The following SUSD5 variants were observed in gnomAD, a reference collection of about 807,000 sequenced individuals.
SUSD5 encodes sushi domain-containing protein 5.
A neutral mutation model predicts 29.5 loss-of-function variants in SUSD5; 33 were observed. That is an observed-to-expected ratio of 1.12 (90% CI 0.85 to 1.49). The LOEUF (loss-of-function observed/expected upper bound fraction) is 1.49. SUSD5 is among the 40% of genes most tolerant of loss of function. The probability of loss-of-function intolerance (pLI) is 0.00; values close to 1 mark genes in which losing one functional copy is unlikely to be tolerated. For synonymous variants in SUSD5, 308 were observed against 325.3 expected (o/e 0.95, Z 0.57); for missense variants, 776 against 800.6 (o/e 0.97, Z 0.37).
chr3:33,184,828 T>C (rs2031745553), intron 3 of SUSD5, among the ~76,000 whole-genome samples: 2 of 152,242 alleles, frequency 1.3e-5, no homozygotes, highest in South Asian at 2.1e-4. Flanking sequence ...CTCCCATTAA[T>C]GCCCTGAGCA....
intron 1 of SUSD5, among the ~76,000 whole-genome samples, chr3:33,214,893 AG>A (rs1457021233): frequency 1.3e-5 from 2 of 152,150 alleles, no homozygotes; most frequent in Non-Finnish European, 2.9e-5. Context: ...AGCTAAAGGC[AG>A]GGGAGAAAAC....
intron 3 of SUSD5, among the ~76,000 whole-genome samples, chr3:33,193,455 T>C (rs995848323): frequency 6.6e-6 from 1 of 152,068 alleles, no homozygotes; most frequent in African/African-American, 2.4e-5. Context: ...AGGGGTGAGA[T>C]GAGGATCAGG....
At chr3:33,163,489 A>T (rs2031236590) in intron 4 of SUSD5, among the ~76,000 whole-genome samples, 1 of 152,196 alleles carries the variant, frequency 6.6e-6, no homozygotes, top group Admixed American at 6.5e-5. Context: ...TCAACAAGAT[A>T]AAAACCCTTA....
Position 33,153,970 on chromosome 3 carries a change from C to A in SUSD5, c.662G>T (p.Arg221Ile). The A allele has an allele frequency of 6.2e-7, 1 of 1,613,578 alleles. No homozygotes were observed. The highest frequency in any genetic ancestry group is 1.1e-5 in the South Asian group (1 of 90,990). The change falls in exon 5 of 5, where the codon AGA becomes ATA. Residue 221 changes from arginine (R) to isoleucine (I), a missense_variant. Coordinates refer to ENST00000309558, the MANE Select transcript of SUSD5 (RefSeq NM_015551.2). ...TGTCCGGGAATCCTCCATGAGCTCT[C>A]TGAATGACACAGATCTGTCATCAGG... ...NFPDDRSVSF[R>I]ELMEDSRTEA...
chr3:33,213,145 C>T (rs922980303), intron 2 of SUSD5, among the ~76,000 whole-genome samples: 6 of 152,174 alleles, frequency 3.9e-5, no homozygotes, highest in East Asian at 3.9e-4. Context: ...GGGTGGCTCA[C>T]GCTTGTAATC....
At chr3:33,179,545 G>A (rs1465015455) in intron 3 of SUSD5, among the ~76,000 whole-genome samples, 1 of 152,118 alleles carries the variant, frequency 6.6e-6, no homozygotes, top group South Asian at 2.1e-4. Flanking sequence ...TGGAATATAG[G>A]TCTTATGACC....
chr3:33,153,043 T>C lies in SUSD5; in HGVS notation c.1589A>G (p.Gln530Arg). 4 of 1,613,866 alleles carry C rather than the reference T, an allele frequency of 2.5e-6. No individual in the cohort carries two copies. The highest frequency in any genetic ancestry group is 3.4e-6 in the Non-Finnish European group (4 of 1,179,802). ...PPVETTVPEI[Q>R]DSFPYLLSED... is the part of the protein sequence containing the mutation. The stretch of plus-strand genomic sequence containing the variant: ...AGACAGCAGGTATGGGAAGCTATCC[T>C]GGATCTCAGGAACAGTGGTTTCTAC... Residue 530 changes from glutamine (Q) to arginine (R), a missense_variant, in exon 5 of 5, where the codon CAG (glutamine) becomes CGG (arginine). Transcript: ENST00000309558.
At chr3:33,186,376 A>T (rs1213842353) in intron 3 of SUSD5, among the ~76,000 whole-genome samples, 1 of 151,952 alleles carries the variant, frequency 6.6e-6, no homozygotes, top group Non-Finnish European at 1.5e-5. Context: ...TTGTGCTTTA[A>T]GCCACCCTGA....
At chr3:33,212,701 G>A (rs2125633965) in intron 2 of SUSD5, among the ~76,000 whole-genome samples, 1 of 152,294 alleles carries the variant, frequency 6.6e-6, no homozygotes, top group African/African-American at 2.4e-5. Flanking sequence ...ATGTGGTCTG[G>A]CATTCCTCAC....
In SUSD5 at chr3:33,153,207, T is replaced by C. The variant is rs774101674; in HGVS notation, c.1425A>G (p.Arg475=). 1 of 1,613,518 alleles carries C rather than the reference T, an allele frequency of 6.2e-7. No homozygotes were observed. Among genetic ancestry groups the C allele is most frequent in the African/African-American group, 1.3e-5 (1 of 74,820 alleles). The change falls in exon 5 of 5, where the codon AGA becomes AGG. Residue 475 remains arginine (R), a synonymous_variant. Transcript: ENST00000309558. Reference sequence around the variant, plus strand: ...CCATGGGAGATTCCTCTGTGATGAATCTCCAGGGTAGAGTTGACTGGTACT... The same window carrying C: ...CCATGGGAGATTCCTCTGTGATGAACCTCCAGGGTAGAGTTGACTGGTACT... ...LTKYQSTLPW[R]FITEESPMAT...
chr3:33,212,259 G>A (rs2125633801), intron 2 of SUSD5, among the ~76,000 whole-genome samples: 1 of 152,248 alleles, frequency 6.6e-6, no homozygotes. Flanking sequence ...GGCCAGGCAT[G>A]GTGGCTCACA....
intron 3 of SUSD5, among the ~76,000 whole-genome samples, chr3:33,189,729 T>C (rs916695188): frequency 1.1e-4 from 17 of 152,132 alleles, no homozygotes; most frequent in Admixed American, 1.1e-3. Context: ...GAATTCTAAT[T>C]AGATTGGCAT....
intron 4 of SUSD5, among the ~76,000 whole-genome samples, chr3:33,161,646 C>T (rs1385510890): frequency 6.6e-6 from 1 of 151,898 alleles, no homozygotes; most frequent in Non-Finnish European, 1.5e-5. Context: ...AATATAAGTA[C>T]ACAGATGAGT....
chr3:33,202,352 T>G (rs1467575083), intron 3 of SUSD5, among the ~76,000 whole-genome samples: 2 of 152,114 alleles, frequency 1.3e-5, no homozygotes. Flanking sequence ...GCCCTGGAAA[T>G]TAGCTACTCT....
chr3:33,170,483 G>C (rs1258485533), intron 4 of SUSD5, among the ~76,000 whole-genome samples: 2 of 152,212 alleles, frequency 1.3e-5, no homozygotes, highest in African/African-American at 4.8e-5. Flanking sequence ...GGTCAAGACA[G>C]AAGTCCCCGT....
At chr3:33,183,209 G>A (rs1005832633) in intron 3 of SUSD5, among the ~76,000 whole-genome samples, 11 of 152,088 alleles carry the variant, frequency 7.2e-5, no homozygotes, top group African/African-American at 1.2e-4. Flanking sequence ...TTTAATTAGT[G>A]TATCTAGACC....
chr3:33,169,825 A>G, intron 4 of SUSD5, among the ~76,000 whole-genome samples: 1 of 152,216 alleles, frequency 6.6e-6, no homozygotes, highest in Non-Finnish European at 1.5e-5. Flanking sequence ...AGAAAGCAAC[A>G]AACAGAACCG....
Position 33,218,681 on chromosome 3 carries a change from C to G in SUSD5, c.112+5G>C. On this transcript the variant is annotated splice_donor_5th_base_variant and intron_variant, in intron 1 of 4. Coordinates refer to ENST00000309558, the MANE Select transcript of SUSD5 (RefSeq NM_015551.2). ...CCCCCGCCCCGCCGCCTCCCGCACA[C>G]TCACCATCCGCCCGCACCGAAAGGC... is the stretch of plus-strand genomic sequence containing the variant. 3.9e-6 allele frequency: 5 copies of G among 1,292,548 alleles called. No homozygotes were observed. The highest frequency in any genetic ancestry group is 4.9e-6 in the Non-Finnish European group (5 of 1,019,160). The allele number at this position is 1,292,548 out of a possible 1,614,324, so 80.1% of individuals were successfully genotyped here. A position where few individuals can be genotyped will look rare whatever the true frequency, so the allele number is the denominator to read the frequency against.
intron 3 of SUSD5, among the ~76,000 whole-genome samples, chr3:33,178,460 T>TG (rs1377032488): frequency 2.0e-5 from 3 of 152,072 alleles, no homozygotes; most frequent in African/African-American, 4.8e-5. Context: ...TTGTTTTGTT[T>TG]TTTTTTGAGA....
Sources: gnomAD v4.1 joint callset for allele counts (sites outside exome capture counted in the v4.1 genomes callset) on GRCh38, gnomAD v4.1.1 for gene constraint, MANE v1.5 for transcripts, NCBI Gene and HGNC (gene_info 2026-07-23, HGNC 2026-07-21) for gene names.